MAP1A: variants seen among roughly 807,000 people sequenced by gnomAD.
The protein encoded by MAP1A is microtubule-associated protein 1A.
Under a neutral mutation model 185.9 loss-of-function variants are expected in MAP1A, and 42 were observed. The ratio of observed to expected loss-of-function variants is 0.23; its 90% CI spans 0.18 to 0.29. The LOEUF is 0.29. Among genes scored for constraint, MAP1A ranks in the 10% least tolerant of loss-of-function variants. The probability of loss-of-function intolerance (pLI) is 1.00; values close to 1 mark genes in which losing one functional copy is unlikely to be tolerated. For missense variants in MAP1A, 2,995 were observed against 3,450.4 expected (o/e 0.87, Z 3.31); for synonymous variants, 1,229 against 1,335.9 (o/e 0.92, Z 1.74).
At chr15:43,514,211 C>T (rs2079290924), upstream of MAP1A, among the ~76,000 whole-genome samples, 3 of 152,208 alleles carry the variant, frequency 2.0e-5, no homozygotes, top group South Asian at 6.2e-4. Context: ...TCAGAGCTTA[C>T]TTTGGCATAC....
exon 1 of MAP1A, chr15:43,511,048 G>A: frequency 2.6e-6 from 4 of 1,549,052 alleles, no homozygotes; most frequent in South Asian, 2.4e-5. Flanking sequence ...CAACTCCGGG[G>A]CTGGGGCTCC....
rs2079339107 is a variant in MAP1A at position 43,525,485 on chromosome 15, A to G, written c.4012A>G (p.Ile1338Val). The change falls in exon 4 of 6, where the codon ATT becomes GTT. Residue 1338 changes from isoleucine to valine, a missense_variant. Around this residue, in one of 3 missense-constraint regions of MAP1A, gnomAD observed 2,728 missense variants for 2,986.0 expected, o/e 0.91. Transcript: ENST00000300231. ...TTTGCCAGGCCCTGCCTTGGAGGAC[A>G]TTGCCATAAAGTGGGAAGATAAAGT... The part of the protein sequence containing the change: ...ESLPGPALED[I>V]AIKWEDKVPG... The G allele has an allele frequency of 6.2e-7, 1 of 1,614,232 alleles. No individual in the cohort carries two copies.
rs1329465374 is a variant in MAP1A at position 43,522,680 on chromosome 15, A to C, written c.1207A>C (p.Lys403Gln). Residue 403 changes from lysine to glutamine, a missense_variant, in exon 4 of 6, where the codon AAG (lysine) becomes CAG (glutamine). Coordinates refer to ENST00000300231, the MANE Select transcript of MAP1A (RefSeq NM_002373.6). This position sits in a 1 kb window ranked among gnomAD's most constrained non-coding sequence, Gnocchi z 5.9. The stretch of plus-strand genomic sequence containing the variant: ...GCTGATCAAAGACAAGGTAGGGAAA[A>C]AGCACCTTAAAGAAAAGATATCAAA... ...RKLIKDKVGKKHLKEKISKLE... is the reference protein window; with the variant it reads ...RKLIKDKVGKQHLKEKISKLE... 4 of 1,610,350 alleles carry C rather than the reference A, an allele frequency of 2.5e-6. No homozygotes were observed. The South Asian group carries it at 4.4e-5, about 18-fold the overall frequency.
In MAP1A at chr15:43,522,402, C is replaced by T; in HGVS notation, c.929C>T (p.Pro310Leu). The change falls in exon 4 of 6, where the codon CCC becomes CTC. Residue 310 changes from proline to leucine, a missense_variant. Pro to Leu is a moderately conservative substitution (Grantham distance 98, BLOSUM62 -3). Coordinates refer to ENST00000300231, the MANE Select transcript of MAP1A (RefSeq NM_002373.6). This position sits in a 1 kb window ranked among gnomAD's most constrained non-coding sequence, Gnocchi z 5.9. ...GGGGCTGTGCCTACCAACCTCAAGCCCAGCAAAATCAAACAGCGGGCTGAT... is the reference window on the plus strand; with the variant it reads ...GGGGCTGTGCCTACCAACCTCAAGCTCAGCAAAATCAAACAGCGGGCTGAT... ...ASGAVPTNLKPSKIKQRADSK... is the reference protein window; with the variant it reads ...ASGAVPTNLKLSKIKQRADSK... 1 of 1,614,082 alleles carries T rather than the reference C, an allele frequency of 6.2e-7. No individual in the cohort carries two copies.
chr15:43,513,639 T>C (rs2079289497), upstream of MAP1A, among the ~76,000 whole-genome samples: 1 of 152,230 alleles, frequency 6.6e-6, no homozygotes, highest in African/African-American at 2.4e-5. Flanking sequence ...AAAGCTCCAT[T>C]AGCCTAGGAA....
At chr15:43,518,704 G>GGCCCCCCCCCCCC (rs2079307778) in intron 1 of MAP1A, among the ~76,000 whole-genome samples, 1 of 104,384 alleles carries the variant, frequency 9.6e-6, no homozygotes, top group African/African-American at 6.4e-5. Flanking sequence ...CTGCACCGCA[G>GGCCCCCCCCCCCC]CCCACCCCCC....
At position 43,528,731 on chromosome 15, in the gene MAP1A, G is replaced by C; in HGVS notation, c.7258G>C (p.Gly2420Arg). Reference sequence around the variant, plus strand: ...GCCAGTGTGTCCTGCAGGGGGCTCCGGGGGCCCACCCAGCAGTGCCTCTCC... The same window carrying C: ...GCCAGTGTGTCCTGCAGGGGGCTCCCGGGGCCCACCCAGCAGTGCCTCTCC... Reference protein sequence around the residue: ...EQPVCPAGGSGGPPSSASPEV... With the variant: ...EQPVCPAGGSRGPPSSASPEV... Residue 2420 changes from glycine (G) to arginine (R), a missense_variant, in exon 4 of 6, where the codon GGG (glycine) becomes CGG (arginine). This residue lies in a region of MAP1A where 2,728 missense variants were observed against 2,986.0 expected (regional missense o/e 0.91). Transcript: ENST00000300231. 6.2e-7 allele frequency: 1 copy of C among 1,612,598 alleles called. No individual in the cohort carries two copies. The highest frequency in any genetic ancestry group is 8.5e-7 in the Non-Finnish European group (1 of 1,179,334).
At chr15:43,520,477 G>A (rs971988421) in intron 1 of MAP1A, among the ~76,000 whole-genome samples, 164 bp from the exon 2 acceptor site, 2 of 152,164 alleles carry the variant, frequency 1.3e-5, no homozygotes, top group African/African-American at 4.8e-5. Flanking sequence ...GGAAGGGCTG[G>A]ATGAGCCAGT....
chr15:43,524,986 GTCT>G lies in MAP1A; in HGVS notation c.3514_3516del (p.Ser1172del). 2 of 1,614,052 alleles carry G rather than the reference GTCT, an allele frequency of 1.2e-6. No individual in the cohort carries two copies. Among genetic ancestry groups the G allele is most frequent in the South Asian group, 2.2e-5 (2 of 91,078 alleles). ...CTGCCAACCAAGAGCCTACCCCCAA[GTCT>G]CCCTGTGGCCTGACAGAACAGTACC... On this transcript the variant is annotated inframe_deletion, in exon 4 of 6. Transcript: ENST00000300231.
chr15:43,514,614 C>T (rs1186689502), upstream of MAP1A, among the ~76,000 whole-genome samples: 1 of 152,192 alleles, frequency 6.6e-6, no homozygotes, highest in Non-Finnish European at 1.5e-5. Flanking sequence ...AGGCACTGCC[C>T]CCTCCACATT....
rs749548952 is a variant in MAP1A, at chr15:43,528,654, C to T, written c.7181C>T (p.Pro2394Leu). 8 of 1,613,278 alleles carry T rather than the reference C, an allele frequency of 5.0e-6. No individual in the cohort carries two copies. Among genetic ancestry groups the T allele is most frequent in the Middle Eastern group, 1.6e-4 (1 of 6,084 alleles). Residue 2394 changes from proline (P) to leucine (L), a missense_variant, in exon 4 of 6, where the codon CCT becomes CTT. Physicochemically the swap from Pro to Leu is moderately conservative, Grantham distance 98 (BLOSUM62 -3). This residue lies in a region of MAP1A where 2,728 missense variants were observed against 2,986.0 expected (regional missense o/e 0.91). Transcript: ENST00000300231. ...ACPAWERGAWPEGAERSSRPD... is the reference protein window; with the variant it reads ...ACPAWERGAWLEGAERSSRPD... ...CCTGCCTGGGAACGTGGGGCCTGGCCTGAAGGAGCTGAGAGGAGCTCCCGG... is the reference window on the plus strand; with the variant it reads ...CCTGCCTGGGAACGTGGGGCCTGGCTTGAAGGAGCTGAGAGGAGCTCCCGG...
chr15:43,522,622 G>A lies in MAP1A; in HGVS notation c.1149G>A (p.Glu383=), dbSNP rs763389782. ...KPAKPERVKT[E]SSEALKAEKR... is the part of the protein sequence containing the mutation. ...CCAAGCCTGAGAGGGTGAAGACAGAGTCAAGTGAGGCACTGAAGGCAGAGA... is the reference window on the plus strand; with the variant it reads ...CCAAGCCTGAGAGGGTGAAGACAGAATCAAGTGAGGCACTGAAGGCAGAGA... The change falls in exon 4 of 6, where the codon GAG becomes GAA. Residue 383 remains glutamate, a synonymous_variant. Transcript: ENST00000300231. This position sits in a 1 kb window ranked among gnomAD's most constrained non-coding sequence, Gnocchi z 5.9. 1 of 1,613,084 alleles carries A rather than the reference G, an allele frequency of 6.2e-7. No homozygotes were observed. The highest frequency in any genetic ancestry group is 1.1e-5 in the South Asian group (1 of 90,930).
exon 1 of MAP1A, chr15:43,510,987 CCAT>C: frequency 6.5e-7 from 1 of 1,539,272 alleles, no homozygotes; most frequent in East Asian, 2.5e-5. Context: ...GCGGGTGTTT[CCAT>C]GGAGACCGAG....
rs1331679795 is a variant in MAP1A at position 43,528,848 on chromosome 15, C to T, written c.7375C>T (p.Pro2459Ser). The T allele has an allele frequency of 3.1e-6, 5 of 1,613,338 alleles. No homozygotes were observed. Among genetic ancestry groups the T allele is most frequent in the African/African-American group, 1.3e-5 (1 of 74,890 alleles). ...SPSFLNPPLP[P>S]SIDDRDLSTE... is the part of the protein sequence containing the mutation. Reference sequence around the variant, plus strand: ...ATCCTTCCTGAACCCACCTCTGCCCCCATCCATAGATGATAGGGACCTCTC... The same window carrying T: ...ATCCTTCCTGAACCCACCTCTGCCCTCATCCATAGATGATAGGGACCTCTC... Residue 2459 changes from proline to serine, a missense_variant, in exon 4 of 6, where the codon CCA becomes TCA. This residue lies in a region of MAP1A where 2,728 missense variants were observed against 2,986.0 expected (regional missense o/e 0.91). Coordinates refer to ENST00000300231, the MANE Select transcript of MAP1A (RefSeq NM_002373.6).
intron 2 of MAP1A, 51 bp downstream of exon 2, chr15:43,520,774 C>A: frequency 7.0e-7 from 1 of 1,429,826 alleles, no homozygotes; most frequent in Non-Finnish European, 9.6e-7. Context: ...AAGTGCTATA[C>A]CCACCCTTGC....
chr15:43,512,778 G>A (rs532467786), upstream of MAP1A, among the ~76,000 whole-genome samples: 1 of 152,292 alleles, frequency 6.6e-6, no homozygotes, highest in African/African-American at 2.4e-5. Flanking sequence ...GATCTCCAGG[G>A]CAGAGCAGAA....
At chr15:43,512,213 C>G (rs1450272375) in exon 2 of MAP1A, 6 of 1,548,612 alleles carry the variant, frequency 3.9e-6, no homozygotes, top group South Asian at 1.2e-5. Flanking sequence ...GAACATTGAC[C>G]TGTCATCCTT....
intron 1 of MAP1A, 93 bp from the exon 2 acceptor site, chr15:43,520,548 C>G (rs1306672195): frequency 7.0e-6 from 6 of 854,000 alleles, no homozygotes; most frequent in Non-Finnish European, 1.1e-5. Context: ...TCTCTTTCGT[C>G]TAAGCCCCAT....
exon 1 of MAP1A, chr15:43,510,991 G>T (rs1001360485): frequency 6.5e-7 from 1 of 1,541,430 alleles, no homozygotes; most frequent in Non-Finnish European, 8.7e-7. Context: ...GTGTTTCCAT[G>T]GAGACCGAGG....
Sources: allele counts gnomAD v4.1 joint callset (sites outside exome capture counted in the v4.1 genomes callset), GRCh38; gene constraint gnomAD v4.1.1; regional missense constraint gnomAD v4.1.1; non-coding constraint Gnocchi (gnomAD v3.1); transcripts MANE v1.5; gene names NCBI Gene and HGNC (gene_info 2026-07-23, HGNC 2026-07-21).